AK7: variants seen among roughly 807,000 people sequenced by gnomAD.
The protein encoded by AK7 is ATP-AMP transphosphorylase 7.
Under a neutral mutation model 96.6 loss-of-function variants are expected in AK7, and 78 were observed. The ratio of observed to expected loss-of-function variants is 0.81; its 90% CI spans 0.67 to 0.97. AK7 has a LOEUF of 0.97. AK7 is among the 50% of genes least tolerant of loss of function. The pLI, the probability that AK7 is intolerant of heterozygous loss-of-function variation, is 0.00. For missense variants in AK7, 855 were observed against 887.9 expected (o/e 0.96, Z 0.47); for synonymous variants, 302 against 317.2 (o/e 0.95, Z 0.51).
At chr14:96,400,015 C>T (rs897241694) in intron 2 of AK7, among the ~76,000 whole-genome samples, 3 of 151,352 alleles carry the variant, frequency 2.0e-5, no homozygotes, top group Middle Eastern at 3.4e-3. Flanking sequence ...TATTAGACCC[C>T]GCTACAAAAA....
chr14:96,451,787 A>G (rs1296156286), intron 10 of AK7, among the ~76,000 whole-genome samples: 1 of 152,230 alleles, frequency 6.6e-6, no homozygotes, highest in Non-Finnish European at 1.5e-5. Flanking sequence ...ATATTAGATA[A>G]TAATGTATGC....
At chr14:96,466,022 A>AG (rs1178496422) in intron 12 of AK7, among the ~76,000 whole-genome samples, 6 of 151,352 alleles carry the variant, frequency 4.0e-5, no homozygotes, top group African/African-American at 9.7e-5. Flanking sequence ...AAAAAAAAAA[A>AG]AAAAGAAACC....
rs550383863 is a variant in AK7, at chr14:96,401,916, A to G, written c.295-2841A>G. ...ATGTACCTCTATGACAGCCCTTTCC[A>G]CATTTGGGTCTTCTGTGTCTGGCTG... On this transcript the variant is annotated intron_variant, in intron 2 of 17. Transcript: ENST00000267584. Among the ~76,000 whole-genome samples, 3 of 152,168 alleles carry G rather than the reference A, an allele frequency of 2.0e-5. No homozygotes were observed. The East Asian group carries it at 5.8e-4, about 29-fold the overall frequency.
At position 96,483,400 on chromosome 14, in the gene AK7, C is replaced by T. The variant is rs1326178590; in HGVS notation, c.1974+181C>T. Among the ~76,000 whole-genome samples the T allele has an allele frequency of 2.0e-5, 3 of 151,504 alleles. No individual in the cohort carries two copies. The South Asian group carries it at 6.3e-4, about 32-fold the overall frequency. ...CCATTTAAAAAAGGATATCCATGGTCTTTTGCTTAGTTTTTTTTTTTTTCT... is the reference window on the plus strand; with the variant it reads ...CCATTTAAAAAAGGATATCCATGGTTTTTTGCTTAGTTTTTTTTTTTTTCT... On this transcript the variant is annotated intron_variant, in intron 16 of 17. Transcript: ENST00000267584.
chr14:96,422,827 A>T (rs555533120), intron 5 of AK7, among the ~76,000 whole-genome samples: 5 of 152,330 alleles, frequency 3.3e-5, no homozygotes, highest in African/African-American at 1.2e-4. Flanking sequence ...TGTCCATTAT[A>T]AAATTATTTT....
chr14:96,424,024 G>A, intron 5 of AK7: 3 of 763,826 alleles, frequency 3.9e-6, no homozygotes, highest in Non-Finnish European at 4.8e-6. Context: ...CAAGACCCAG[G>A]TGTAGAGTTT....
chr14:96,418,664 A>T (rs1595389127), intron 4 of AK7, among the ~76,000 whole-genome samples: 1 of 151,940 alleles, frequency 6.6e-6, no homozygotes, highest in African/African-American at 2.4e-5. Flanking sequence ...GATTACAGGC[A>T]CCTGCCACCA....
intron 12 of AK7, among the ~76,000 whole-genome samples, chr14:96,465,012 T>G (rs1566803026): frequency 6.6e-6 from 1 of 152,232 alleles, no homozygotes. Flanking sequence ...TGGATCCAAC[T>G]GTACCCTAGA....
chr14:96,409,039 C>G, intron 4 of AK7, 98 bp downstream of exon 4: 1 of 1,191,572 alleles, frequency 8.4e-7, no homozygotes, highest in Non-Finnish European at 1.2e-6. Context: ...TGTGTATTCT[C>G]CCACTCCTGA....
intron 8 of AK7, among the ~76,000 whole-genome samples, chr14:96,447,508 A>G (rs1893313805): frequency 6.6e-6 from 1 of 151,980 alleles, no homozygotes; most frequent in Non-Finnish European, 1.5e-5. Flanking sequence ...TTTTTTGTCA[A>G]AATGAGGTCT....
intron 14 of AK7, 122 bp from the exon 15 acceptor site, chr14:96,478,343 G>T: frequency 1.1e-6 from 1 of 946,042 alleles, no homozygotes; most frequent in Non-Finnish European, 1.6e-6. Context: ...AAAGCCAATT[G>T]GACAGGCTAT....
chr14:96,467,334 T>TG (rs1268605201), intron 12 of AK7, among the ~76,000 whole-genome samples: 9 of 151,406 alleles, frequency 5.9e-5, no homozygotes, highest in Admixed American at 1.3e-4. Context: ...GCTGCTGCTT[T>TG]TTTTTTTTTT....
chr14:96,471,748 T>A, intron 13 of AK7, 142 bp downstream of exon 13: 1 of 724,482 alleles, frequency 1.4e-6, no homozygotes, highest in Non-Finnish European at 2.0e-6. Context: ...TTTCTTTACG[T>A]AGCTTTTTTT....
In AK7 at chr14:96,437,881, G is replaced by C; in HGVS notation, c.656G>C (p.Gly219Ala). The C allele has an allele frequency of 6.2e-7, 1 of 1,613,876 alleles. No homozygotes were observed. Among genetic ancestry groups the C allele is most frequent in the East Asian group, 2.2e-5 (1 of 44,870 alleles). ...GTAGTTGCTGCTGGACTCCAGTATG[G>C]AGCGGAAGGAGGCATGTTACACACA... The part of the protein sequence containing the change: ...AYVVAAGLQY[G>A]AEGGMLHTFF... Residue 219 changes from glycine (G) to alanine (A), a missense_variant, in exon 6 of 18, where the codon GGA becomes GCA. Transcript: ENST00000267584.
chr14:96,420,945 T>C lies in AK7; in HGVS notation c.609+13T>C. 1.1e-5 allele frequency: 16 copies of C among 1,517,418 alleles called. No individual in the cohort carries two copies. Among genetic ancestry groups the C allele is most frequent in the Admixed American group, 1.7e-5 (1 of 59,426 alleles). The allele number at this position is 1,517,418 out of a possible 1,614,324, so 94.0% of individuals were successfully genotyped here. A position where few individuals can be genotyped will look rare whatever the true frequency, so the allele number is the denominator to read the frequency against. ...ATTTGGAAAAAAGGTAAGTCTGGCATAGTGGAACATGGACATCATCTGAAG... is the reference window on the plus strand; with the variant it reads ...ATTTGGAAAAAAGGTAAGTCTGGCACAGTGGAACATGGACATCATCTGAAG... On this transcript the variant is annotated intron_variant, in intron 5 of 17. Coordinates refer to ENST00000267584, the MANE Select transcript of AK7 (RefSeq NM_152327.5).
intron 13 of AK7, among the ~76,000 whole-genome samples, 168 bp from the exon 14 acceptor site, chr14:96,472,519 A>G (rs1894954049): frequency 6.6e-6 from 1 of 152,176 alleles, no homozygotes; most frequent in Admixed American, 6.5e-5. Flanking sequence ...TTCTTTATCC[A>G]TGCATCTATC....
At chr14:96,445,747 A>G (rs1270409584) in intron 7 of AK7, among the ~76,000 whole-genome samples, 3 of 152,224 alleles carry the variant, frequency 2.0e-5, no homozygotes, top group African/African-American at 4.8e-5. Context: ...GGAAGCGTGC[A>G]TTCGATTTAT....
intron 12 of AK7, among the ~76,000 whole-genome samples, chr14:96,459,662 G>A (rs1198176052): frequency 2.0e-5 from 3 of 151,794 alleles, no homozygotes; most frequent in Non-Finnish European, 4.4e-5. Flanking sequence ...GGTGGATCAC[G>A]AGGTCAGGAG....
chr14:96,395,122 C>T (rs1431655184), intron 1 of AK7, among the ~76,000 whole-genome samples: 1 of 152,198 alleles, frequency 6.6e-6, no homozygotes, highest in African/African-American at 2.4e-5. Flanking sequence ...ACCTCAGTGT[C>T]CTGAGTAGCT....
Sources: allele counts gnomAD v4.1 joint callset (sites outside exome capture counted in the v4.1 genomes callset), GRCh38; gene constraint gnomAD v4.1.1; transcripts MANE v1.5; gene names NCBI Gene and HGNC (gene_info 2026-07-23, HGNC 2026-07-21).